The following FARP1 variants were observed in gnomAD, a reference collection of about 807,000 sequenced individuals.
FARP1 encodes FERM, ARHGEF and pleckstrin domain-containing protein 1.
FARP1 carries 52 observed loss-of-function variants against 128.8 expected under a neutral mutation model. That is an observed-to-expected ratio of 0.40 (90% CI 0.32 to 0.51). The LOEUF is 0.51. Ranked by LOEUF, FARP1 falls within the 20% of genes least tolerant of loss-of-function variation. The pLI, the probability that FARP1 is intolerant of heterozygous loss-of-function variation, is 0.45. For synonymous variants in FARP1, 580 were observed against 551.8 expected (o/e 1.05, Z -0.72); for missense variants, 1,333 against 1,367.9 (o/e 0.97, Z 0.40).
rs1431092824 is a variant in FARP1, at chr13:98,453,206, G to A, written c.*4889G>A. The A allele has an allele frequency of 1.2e-6, 2 of 1,613,150 alleles. No homozygotes were observed. Among genetic ancestry groups the A allele is most frequent in the Non-Finnish European group, 1.7e-6 (2 of 1,179,636 alleles). On this transcript the variant is annotated 3_prime_UTR_variant, in exon 27 of 27. Transcript: ENST00000319562. ...ATGAAGTTCCTCCACCACTTAGAGA[G>A]TATCTAGGGAAAAAGAGAGAGAGAG... is the stretch of plus-strand genomic sequence containing the variant.
intron 15 of FARP1, among the ~76,000 whole-genome samples, chr13:98,411,290 A>G (rs1482806882): frequency 6.6e-6 from 1 of 152,190 alleles, no homozygotes; most frequent in Non-Finnish European, 1.5e-5. Context: ...AATTCAGGGC[A>G]TTGCAGATGT....
rs552436188 is a variant in FARP1 at position 98,319,524 on chromosome 13, G to C, written c.172-24238G>C. Among the ~76,000 whole-genome samples, 3 of 152,250 alleles carry C rather than the reference G, an allele frequency of 2.0e-5. No homozygotes were observed. The South Asian group carries it at 6.2e-4, about 32-fold the overall frequency. ...AGTCCCAGCTACTCTGGCGGCTGAG[G>C]CAGGAGAATGGTGTGAACCCGGGAG... On this transcript the variant is annotated intron_variant, in intron 2 of 26. Transcript: ENST00000319562.
At chr13:98,396,388 C>G in intron 13 of FARP1, 1 of 399,310 alleles carries the variant, frequency 2.5e-6, no homozygotes. Flanking sequence ...CCCCGCAGTG[C>G]TGCGTTCCCC....
At chr13:98,286,084 G>A (rs1269293154) in intron 2 of FARP1, among the ~76,000 whole-genome samples, 2 of 151,980 alleles carry the variant, frequency 1.3e-5, no homozygotes, top group East Asian at 3.9e-4. Context: ...TTCTTTCCTC[G>A]CTTAGAACCC....
intron 13 of FARP1, chr13:98,396,019 C>G: frequency 2.5e-6 from 1 of 399,142 alleles, no homozygotes; most frequent in Non-Finnish European, 4.4e-6. Flanking sequence ...ACGCTGGTCC[C>G]CCACCTCGCC....
chr13:98,300,742 T>A (rs1409475260), intron 2 of FARP1, among the ~76,000 whole-genome samples: 1 of 152,200 alleles, frequency 6.6e-6, no homozygotes, highest in African/African-American at 2.4e-5. Context: ...TACCAAATGA[T>A]GGTTTCAAAT....
chr13:98,200,393 C>T (rs916029222), intron 1 of FARP1, among the ~76,000 whole-genome samples: 2 of 144,948 alleles, frequency 1.4e-5, no homozygotes, highest in South Asian at 2.4e-4. Context: ...CTTCACCCCC[C>T]CCCCCTCCCC....
chr13:98,207,298 T>G (rs1880328819), intron 1 of FARP1, among the ~76,000 whole-genome samples: 1 of 152,184 alleles, frequency 6.6e-6, no homozygotes, highest in South Asian at 2.1e-4. Flanking sequence ...GAAAGGAAGT[T>G]AAGCTACCAA....
At chr13:98,427,092 C>A (rs11619267) in intron 17 of FARP1, among the ~76,000 whole-genome samples, 45,041 of 151,830 alleles carry the variant, frequency 0.3, 6,841 homozygotes, top group Middle Eastern at 0.4. Flanking sequence ...TGTACATTCT[C>A]TGGGTGTTGA....
chr13:98,145,562 C>CGG (rs1566660041), intron 1 of FARP1, among the ~76,000 whole-genome samples: 2 of 151,952 alleles, frequency 1.3e-5, no homozygotes, highest in Non-Finnish European at 2.9e-5. Context: ...TTTTGTTTCA[C>CGG]TTTTCGTTAA....
chr13:98,431,249 G>T lies in FARP1; in HGVS notation c.2112G>T (p.Pro704=). 2 of 1,579,776 alleles carry T rather than the reference G, an allele frequency of 1.3e-6. No individual in the cohort carries two copies. The highest frequency in any genetic ancestry group is 1.7e-6 in the Non-Finnish European group (2 of 1,164,364). The part of the protein sequence containing the change: ...QVLERLCKHH[P]PSHADFRDCR... Reference sequence around the variant, plus strand: ...TGGAGCGGCTGTGCAAACACCACCCGCCGAGCCACGCCGACTTCAGGGACT... The same window carrying T: ...TGGAGCGGCTGTGCAAACACCACCCTCCGAGCCACGCCGACTTCAGGGACT... Residue 704 remains proline (P), a synonymous_variant, in exon 18 of 27, where the codon CCG becomes CCT. Coordinates refer to ENST00000319562, the MANE Select transcript of FARP1 (RefSeq NM_005766.4).
intron 4 of FARP1, among the ~76,000 whole-genome samples, chr13:98,367,602 G>A (rs1424509152): frequency 6.6e-6 from 1 of 151,544 alleles, no homozygotes; most frequent in Non-Finnish European, 1.5e-5. Context: ...GGGTTTATAA[G>A]ATACTGATAA....
intron 1 of FARP1, among the ~76,000 whole-genome samples, chr13:98,164,109 A>C (rs1877076163): frequency 6.6e-6 from 1 of 152,100 alleles, no homozygotes; most frequent in Non-Finnish European, 1.5e-5. Context: ...TGTTGGCACT[A>C]AGTCCTGTGA....
chr13:98,349,926 G>A (rs1888344602), intron 3 of FARP1, among the ~76,000 whole-genome samples: 1 of 152,118 alleles, frequency 6.6e-6, no homozygotes. Context: ...GACCCTGCTG[G>A]AGTCAGACAC....
chr13:98,406,958 A>C (rs1891004213), intron 13 of FARP1: 1 of 152,612 alleles, frequency 6.6e-6, no homozygotes, highest in Admixed American at 6.5e-5. Flanking sequence ...CCCGAGTGGC[A>C]GTTCTTTTCC....
At chr13:98,164,916 C>G (rs1223868454) in intron 1 of FARP1, among the ~76,000 whole-genome samples, 1 of 151,920 alleles carries the variant, frequency 6.6e-6, no homozygotes, top group Non-Finnish European at 1.5e-5. Context: ...CCCATCCCTA[C>G]TAAAAATACA....
rs1875176253 is a variant in FARP1 at position 98,143,143 on chromosome 13, G to A, written c.-373G>A. ...AGGCGGCGGGTCCGGCGCGGGCGCA[G>A]CGGTGCGGGCGCTCGGCTGGGGCGC... On this transcript the variant is annotated 5_prime_UTR_variant, in exon 1 of 27. Transcript: ENST00000319562. 2 of 147,402 alleles carry A rather than the reference G, an allele frequency of 1.4e-5. No homozygotes were observed. Among genetic ancestry groups the A allele is most frequent in the South Asian group, 4.1e-4 (2 of 4,844 alleles). The allele number at this position is 147,402 out of a possible 1,614,324, so 9.1% of individuals were successfully genotyped here. A position where few individuals can be genotyped will look rare whatever the true frequency, so the allele number is the denominator to read the frequency against.
chr13:98,373,685 C>T (rs559107708), intron 5 of FARP1, among the ~76,000 whole-genome samples: 2 of 152,184 alleles, frequency 1.3e-5, no homozygotes, highest in East Asian at 3.9e-4. Context: ...GTCTGTAGGG[C>T]ACTTTTTGCT....
chr13:98,395,987 C>T (rs1594486351), intron 13 of FARP1: 1 of 399,170 alleles, frequency 2.5e-6, no homozygotes, highest in African/African-American at 2.1e-5. Flanking sequence ...GACACTCTCC[C>T]GGACCAGGGT....
Sources: allele counts gnomAD v4.1 joint callset (sites outside exome capture counted in the v4.1 genomes callset), GRCh38; gene constraint gnomAD v4.1.1; transcripts MANE v1.5; gene names NCBI Gene and HGNC (gene_info 2026-07-23, HGNC 2026-07-21).